Variants in CNTNAP2 observed in about 807,000 individuals in gnomAD.
The protein encoded by CNTNAP2 is contactin associated protein 2, also known as contactin-associated protein-like 2.
A neutral mutation model predicts 155.2 loss-of-function variants in CNTNAP2; 98 were observed. The ratio of observed to expected loss-of-function variants is 0.63; its 90% CI spans 0.54 to 0.75. The LOEUF (loss-of-function observed/expected upper bound fraction) is 0.75, where lower values mean the gene tolerates loss of function less well. CNTNAP2 is among the 30% of genes least tolerant of loss of function. The pLI is 0.00. For missense variants in CNTNAP2, 1,727 were observed against 1,688.1 expected (o/e 1.02, Z -0.40); for synonymous variants, 651 against 631.2 (o/e 1.03, Z -0.47).
intron 8 of CNTNAP2, among the ~76,000 whole-genome samples, chr7:147,195,719 A>G (rs1028449506): frequency 1.3e-5 from 2 of 151,786 alleles, no homozygotes; most frequent in Non-Finnish European, 2.9e-5. Flanking sequence ...CTGCTTGTCT[A>G]TTGTTGGTGT....
intron 13 of CNTNAP2, among the ~76,000 whole-genome samples, chr7:147,879,503 A>G (rs2116713393): frequency 6.6e-6 from 1 of 152,236 alleles, no homozygotes; most frequent in South Asian, 2.1e-4. Flanking sequence ...GGTCAAAACA[A>G]TTTTAAACAA....
intron 1 of CNTNAP2, among the ~76,000 whole-genome samples, chr7:146,151,349 T>G (rs939406449): frequency 6.6e-6 from 1 of 151,954 alleles, no homozygotes; most frequent in African/African-American, 2.4e-5. Context: ...ATTCTTCCTG[T>G]ACTAACTCAA....
intron 13 of CNTNAP2, among the ~76,000 whole-genome samples, chr7:147,866,899 T>C (rs913915324): frequency 2.0e-5 from 3 of 152,218 alleles, no homozygotes; most frequent in African/African-American, 7.2e-5. Context: ...TGACTCTTTA[T>C]CCAATTTGCC....
intron 1 of CNTNAP2, among the ~76,000 whole-genome samples, chr7:146,379,891 GTA>G (rs1230780052): frequency 6.6e-6 from 1 of 152,008 alleles, no homozygotes; most frequent in Admixed American, 6.5e-5. Flanking sequence ...GAATTTTTTT[GTA>G]GCTTTCAAAT....
intron 15 of CNTNAP2, among the ~76,000 whole-genome samples, chr7:148,069,628 C>T (rs373133209): frequency 5.3e-5 from 8 of 151,804 alleles, no homozygotes; most frequent in African/African-American, 9.7e-5. Context: ...GGCATGGTGG[C>T]GGGCGCCTGT....
intron 1 of CNTNAP2, among the ~76,000 whole-genome samples, chr7:146,589,304 G>A (rs748182760): frequency 6.6e-6 from 1 of 152,148 alleles, no homozygotes; most frequent in East Asian, 1.9e-4. Flanking sequence ...GCACATGTAC[G>A]TTTATTGCAG....
At chr7:147,685,255 G>T (rs1796001403) in intron 13 of CNTNAP2, among the ~76,000 whole-genome samples, 1 of 151,882 alleles carries the variant, frequency 6.6e-6, no homozygotes, top group South Asian at 2.1e-4. Flanking sequence ...CTGCATAAGG[G>T]TAAAGAATTC....
intron 13 of CNTNAP2, among the ~76,000 whole-genome samples, chr7:147,829,800 G>A (rs2116633342): frequency 6.6e-6 from 1 of 152,172 alleles, no homozygotes; most frequent in East Asian, 1.9e-4. Context: ...GCCTGTGATG[G>A]TCAGAGTGAC....
At chr7:146,322,853 T>C (rs1801030387) in intron 1 of CNTNAP2, among the ~76,000 whole-genome samples, 1 of 151,936 alleles carries the variant, frequency 6.6e-6, no homozygotes, top group Non-Finnish European at 1.5e-5. Flanking sequence ...TAATGGGTTA[T>C]GAACTGGAAA....
intron 15 of CNTNAP2, among the ~76,000 whole-genome samples, chr7:148,103,724 G>A (rs1585127034): frequency 6.6e-6 from 1 of 152,244 alleles, no homozygotes; most frequent in Non-Finnish European, 1.5e-5. Context: ...TAAAATCAGA[G>A]CATTCATTTC....
chr7:147,994,892 G>A (rs531968994), intron 15 of CNTNAP2, among the ~76,000 whole-genome samples: 7 of 152,152 alleles, frequency 4.6e-5, no homozygotes, highest in Non-Finnish European at 1.0e-4. Context: ...CTTGGAACTC[G>A]TTCCTCTCAG....
chr7:147,711,172 C>G (rs570874415), intron 13 of CNTNAP2, among the ~76,000 whole-genome samples: 1 of 152,290 alleles, frequency 6.6e-6, no homozygotes, highest in South Asian at 2.1e-4. Flanking sequence ...AGTAACCTAA[C>G]TTACAATTAA....
Position 148,408,855 on chromosome 7 carries a change from G to A in CNTNAP2, c.3716-536G>A, listed in dbSNP as rs144388322. On this transcript the variant is annotated intron_variant, in intron 22 of 23. Coordinates refer to ENST00000361727, the MANE Select transcript of CNTNAP2 (RefSeq NM_014141.6). ...AAAGAAATAGAAAATTCACTAGGCA[G>A]TTAATATTCTTAACTGTTTTGAATT... Among the ~76,000 whole-genome samples, 904 of 152,284 alleles carry A rather than the reference G, an allele frequency of 5.9e-3. 9 individuals carry two copies. Among genetic ancestry groups the A allele is most frequent in the Non-Finnish European group, 9.7e-3 (659 of 68,016 alleles).
intron 4 of CNTNAP2, among the ~76,000 whole-genome samples, chr7:147,064,339 G>A (rs183202600): frequency 1.3e-5 from 2 of 152,246 alleles, no homozygotes; most frequent in East Asian, 3.9e-4. Flanking sequence ...ATGGAAAAAA[G>A]TAACAGGCAC....
At chr7:147,325,319 C>T (rs1795434086) in intron 9 of CNTNAP2, among the ~76,000 whole-genome samples, 1 of 152,004 alleles carries the variant, frequency 6.6e-6, no homozygotes. Context: ...ACAACAACAA[C>T]AACAAAAATT....
intron 16 of CNTNAP2, among the ~76,000 whole-genome samples, chr7:148,118,777 A>G (rs1054316634): frequency 2.0e-5 from 3 of 152,158 alleles, no homozygotes; most frequent in African/African-American, 7.2e-5. Flanking sequence ...AGTCTGCAGG[A>G]TTCCTACAGA....
chr7:147,203,330 G>A (rs1057228217), intron 8 of CNTNAP2, among the ~76,000 whole-genome samples: 3 of 151,846 alleles, frequency 2.0e-5, no homozygotes, highest in African/African-American at 7.3e-5. Context: ...CTGCAAACTC[G>A]GCCTCCCAGG....
intron 1 of CNTNAP2, among the ~76,000 whole-genome samples, chr7:146,200,285 A>T (rs1798839144): frequency 1.3e-5 from 2 of 152,008 alleles, no homozygotes; most frequent in Non-Finnish European, 2.9e-5. Flanking sequence ...CACGATGTCA[A>T]GAGATCGAAA....
intron 2 of CNTNAP2, among the ~76,000 whole-genome samples, chr7:146,822,653 A>G (rs978314894): frequency 6.8e-6 from 1 of 148,048 alleles, no homozygotes; most frequent in Non-Finnish European, 1.5e-5. Context: ...ACTAATAAAT[A>G]TTTAAATATA....
Sources: gnomAD v4.1 joint callset for allele counts (sites outside exome capture counted in the v4.1 genomes callset) on GRCh38, gnomAD v4.1.1 for gene constraint, MANE v1.5 for transcripts, NCBI Gene and HGNC (gene_info 2026-07-23, HGNC 2026-07-21) for gene names.